MEST: variants seen among roughly 807,000 people sequenced by gnomAD.
MEST encodes the protein mesoderm specific transcript.
In MEST, 18 loss-of-function variants were observed where a neutral mutation model predicts 50.9. The ratio of observed to expected loss-of-function variants is 0.35; its 90% CI spans 0.24 to 0.52. MEST has a LOEUF of 0.52. MEST is among the 20% of genes least tolerant of loss of function. The pLI, the probability that MEST is intolerant of heterozygous loss-of-function variation, is 0.94. For missense variants in MEST, 282 were observed against 425.3 expected (o/e 0.66, Z 2.96); for synonymous variants, 130 against 154.1 (o/e 0.84, Z 1.16).
chr7:130,495,086 G>A, intron 1 of MEST, among the ~76,000 whole-genome samples: 1 of 152,168 alleles, frequency 6.6e-6, no homozygotes, highest in East Asian at 1.9e-4. Context: ...AAGACCACAA[G>A]GGTAGGGGCT....
At chr7:130,499,585 G>T (rs1371914417) in intron 6 of MEST, among the ~76,000 whole-genome samples, 1 of 152,190 alleles carries the variant, frequency 6.6e-6, no homozygotes, top group African/African-American at 2.4e-5. Flanking sequence ...TCCTGGAGAA[G>T]TAATTAGATG....
At chr7:130,496,184 T>C (rs1379594015) in intron 2 of MEST, 4 of 462,378 alleles carry the variant, frequency 8.7e-6, no homozygotes, top group Non-Finnish European at 1.8e-5. Flanking sequence ...GCTCCTGACC[T>C]CCTCTCATTT....
In MEST at chr7:130,503,974, C is replaced by G. The variant is rs1160048889; in HGVS notation, c.868C>G (p.Pro290Ala). Residue 290 changes from proline to alanine, a missense_variant, in exon 11 of 12, where the codon CCA (proline) becomes GCA (alanine). Physicochemically the swap from Pro to Ala is conservative, Grantham distance 27. Transcript: ENST00000223215. ...GCCATTGGATCCTGTAAATCCCTAT[C>G]CAGAGTTTTTGGAGCTGTACAGGTG... The part of the protein sequence containing the change: ...YGPLDPVNPY[P>A]EFLELYRKTL... The G allele has an allele frequency of 1.2e-6, 2 of 1,613,164 alleles. No homozygotes were observed. The highest frequency in any genetic ancestry group is 2.2e-5 in the East Asian group (1 of 44,886).
At chr7:130,494,834 G>A (rs2116247106) in intron 1 of MEST, 1 of 985,008 alleles carries the variant, frequency 1.0e-6, no homozygotes, top group Non-Finnish European at 1.2e-6. Context: ...GTAGCTCTCT[G>A]CTTGAGGACA....
At chr7:130,504,297 T>C (rs1584953106) in intron 11 of MEST, among the ~76,000 whole-genome samples, 1 of 152,390 alleles carries the variant, frequency 6.6e-6, no homozygotes, top group East Asian at 1.9e-4. Flanking sequence ...TGGATATACC[T>C]ACAAAGTGTT....
upstream of MEST, chr7:130,491,279 C>G (rs1368305090): frequency 6.6e-6 from 1 of 152,300 alleles, no homozygotes; most frequent in Non-Finnish European, 1.5e-5. The surrounding 1 kb of genome is among the most constrained non-coding windows in gnomAD (Gnocchi z 6.8). Flanking sequence ...CTAATTGTGC[C>G]CACTGTTCTG....
Position 130,497,115 on chromosome 7 carries a change from T to C in MEST, c.182-41T>C, listed in dbSNP as rs782673053. ...TTTAACATCTTCGAGGTTATTTTTA[T>C]AGGGATTTGGCATAATTGATTGTAC... On this transcript the variant is annotated intron_variant, in intron 2 of 11. Coordinates refer to ENST00000223215, the MANE Select transcript of MEST (RefSeq NM_002402.4). The surrounding 1 kb of genome is among the most constrained non-coding windows in gnomAD (Gnocchi z 4.0). 2 of 1,522,016 alleles carry C rather than the reference T, an allele frequency of 1.3e-6. No individual in the cohort carries two copies. Among genetic ancestry groups the C allele is most frequent in the Non-Finnish European group, 1.8e-6 (2 of 1,108,566 alleles). The allele number at this position is 1,522,016 out of a possible 1,614,324, so 94.3% of individuals were successfully genotyped here.
In MEST at chr7:130,492,309, C is replaced by CG; in HGVS notation, c.-3dup. 2.2e-6 allele frequency: 3 copies of CG among 1,342,422 alleles called. No individual in the cohort carries two copies. The highest frequency in any genetic ancestry group is 2.9e-6 in the Non-Finnish European group (3 of 1,046,846). 83.2% of individuals were successfully genotyped at this position (1,342,422 alleles called of 1,614,324 possible). Reference sequence around the variant, plus strand: ...CTGCGGCGGGCGGCATGGGATAACGCGGCCATGGTGCGCCGAGATCGCCTC... The same window carrying CG: ...CTGCGGCGGGCGGCATGGGATAACGCGGGCCATGGTGCGCCGAGATCGCCTC... On this transcript the variant is annotated 5_prime_UTR_variant, in exon 1 of 12. Coordinates refer to ENST00000223215, the MANE Select transcript of MEST (RefSeq NM_002402.4). This position sits in a 1 kb window ranked among gnomAD's most constrained non-coding sequence, Gnocchi z 7.6.
At chr7:130,493,706 G>A (rs1362107899) in intron 1 of MEST, among the ~76,000 whole-genome samples, 1 of 152,188 alleles carries the variant, frequency 6.6e-6, no homozygotes, top group Admixed American at 6.5e-5. Flanking sequence ...GCTCTCTGCT[G>A]AGTCACTGCA....
intron 5 of MEST, 45 bp downstream of exon 5, chr7:130,498,320 A>C (rs921137720): frequency 1.1e-5 from 18 of 1,611,644 alleles, no homozygotes; most frequent in Non-Finnish European, 1.4e-5. Flanking sequence ...AGGAAAGTAC[A>C]TTGTTTCTGG....
Position 130,500,910 on chromosome 7 carries a change from TTTG to T in MEST, c.749+21_749+23del. 2 of 1,606,124 alleles carry T rather than the reference TTTG, an allele frequency of 1.2e-6. No homozygotes were observed. Among genetic ancestry groups the T allele is most frequent in the Non-Finnish European group, 1.7e-6 (2 of 1,174,762 alleles). On this transcript the variant is annotated intron_variant, in intron 9 of 11. Transcript: ENST00000223215. This position sits in a 1 kb window ranked among gnomAD's most constrained non-coding sequence, Gnocchi z 5.0. ...TGACAGGTAAGAAGTTACCCTTTGC[TTTG>T]GTTTCCAGAGACGTGTTTTTGTGGA...
chr7:130,490,922 T>A (rs1171805223), upstream of MEST: 1 of 152,266 alleles, frequency 6.6e-6, no homozygotes, highest in Non-Finnish European at 1.5e-5. Flanking sequence ...CGGTCCCGGG[T>A]TGGATGCCCC....
chr7:130,493,522 A>T (rs1438724585), intron 1 of MEST, among the ~76,000 whole-genome samples: 1 of 152,202 alleles, frequency 6.6e-6, no homozygotes, highest in East Asian at 1.9e-4. Context: ...AAGACAAAAA[A>T]TGGCCCCCTG....
rs908740633 is a variant in MEST at position 130,497,548 on chromosome 7, G to A, written c.261+313G>A. On this transcript the variant is annotated intron_variant, in intron 3 of 11. Transcript: ENST00000223215. This position sits in a 1 kb window ranked among gnomAD's most constrained non-coding sequence, Gnocchi z 4.0. The stretch of plus-strand genomic sequence containing the variant: ...CTTCAGCCTAGGTGACAGAGCGAGA[G>A]TCTGTCTCAAAAAAAAATTTTTTTT... The A allele has an allele frequency of 6.2e-5, 16 of 256,286 alleles. No individual in the cohort carries two copies. The South Asian group carries it at 1.3e-3, about 21-fold the overall frequency. The allele number at this position is 256,286 out of a possible 1,614,324, so 15.9% of individuals were successfully genotyped here. A position where few individuals can be genotyped will look rare whatever the true frequency, so the allele number is the denominator to read the frequency against.
upstream of MEST, chr7:130,491,396 G>A (rs1157310624): frequency 6.6e-6 from 1 of 152,324 alleles, no homozygotes; most frequent in African/African-American, 2.4e-5. This position sits in a 1 kb window ranked among gnomAD's most constrained non-coding sequence, Gnocchi z 6.8. Context: ...AACCTGCCCC[G>A]CGCAGCGGCG....
At chr7:130,503,890 A>G (rs782192681) in intron 10 of MEST, 43 bp from the exon 11 acceptor site, 4 of 1,423,792 alleles carry the variant, frequency 2.8e-6, no homozygotes, top group Admixed American at 3.4e-5. Context: ...AGTAGAACAG[A>G]TGTGAGAGCT....
At chr7:130,503,886 A>G (rs1554439142) in intron 10 of MEST, 47 bp from the exon 11 acceptor site, 1 of 1,418,294 alleles carries the variant, frequency 7.1e-7, no homozygotes, top group Admixed American at 1.7e-5. Flanking sequence ...TGGGAGTAGA[A>G]CAGATGTGAG....
intron 5 of MEST, 27 bp downstream of exon 5, chr7:130,498,302 A>G: frequency 6.2e-7 from 1 of 1,612,864 alleles, no homozygotes; most frequent in Non-Finnish European, 8.5e-7. Flanking sequence ...ACTTCAGCTT[A>G]TGATGCTAGG....
chr7:130,489,902 T>C (rs1203497272), upstream of MEST: 2 of 152,136 alleles, frequency 1.3e-5, no homozygotes, highest in Admixed American at 1.3e-4. Flanking sequence ...CAGAATAAGA[T>C]CTTTTGTGGG....
Sources: allele counts gnomAD v4.1 joint callset (sites outside exome capture counted in the v4.1 genomes callset), GRCh38; gene constraint gnomAD v4.1.1; non-coding constraint Gnocchi (gnomAD v3.1); transcripts MANE v1.5; gene names NCBI Gene and HGNC (gene_info 2026-07-23, HGNC 2026-07-21).